The following GLT8D2 variants were observed in gnomAD, a reference collection of about 807,000 sequenced individuals.
The protein encoded by GLT8D2 is glycosyltransferase 8 domain containing 2, also known as glycosyltransferase 8 domain-containing protein 2.
GLT8D2 carries 45 observed loss-of-function variants against 44.5 expected under a neutral mutation model. The observed-to-expected ratio is 1.01, with a 90% CI of 0.80 to 1.30. The LOEUF is 1.30. Among genes scored for constraint, GLT8D2 ranks in the 50% most tolerant of loss-of-function variants. The pLI is 0.00. For missense variants in GLT8D2, 400 were observed against 430.4 expected (o/e 0.93, Z 0.62); for synonymous variants, 156 against 157.2 (o/e 0.99, Z 0.06).
chr12:104,047,861 G>C (rs1330326171), intron 1 of GLT8D2, among the ~76,000 whole-genome samples: 1 of 152,242 alleles, frequency 6.6e-6, no homozygotes, highest in Admixed American at 6.5e-5. Context: ...AAAGCCTTTA[G>C]AGTAGGGGTC....
At chr12:104,046,955 G>T (rs1881216342) in intron 1 of GLT8D2, among the ~76,000 whole-genome samples, 1 of 151,872 alleles carries the variant, frequency 6.6e-6, no homozygotes, top group Non-Finnish European at 1.5e-5. Context: ...CTCCCAAATA[G>T]CTGGGACAAT....
At chr12:104,064,435 C>A, upstream of GLT8D2, 1 of 1,005,550 alleles carries the variant, frequency 9.9e-7, no homozygotes, top group Non-Finnish European at 1.3e-6. The surrounding 1 kb of genome is among the most constrained non-coding windows in gnomAD (Gnocchi z 7.3). Context: ...GGGCCTCCAG[C>A]CTGGCCGCCG....
chr12:104,024,931 G>A (rs924006708), intron 1 of GLT8D2, among the ~76,000 whole-genome samples: 3 of 151,800 alleles, frequency 2.0e-5, no homozygotes, highest in Non-Finnish European at 2.9e-5. Flanking sequence ...TTAACCAGGC[G>A]TGGTGGTGCA....
intron 3 of GLT8D2, among the ~76,000 whole-genome samples, chr12:104,016,774 A>AGAAAGAAGGAAGAAAG (rs1566199645): frequency 1.7e-5 from 1 of 58,342 alleles, no homozygotes; most frequent in African/African-American, 8.1e-5. Flanking sequence ...AAAGAAAGAA[A>AGAAAGAAGGAAGAAAG]GAAGGAAGGA....
chr12:104,023,091 G>A (rs1421714979), intron 1 of GLT8D2, among the ~76,000 whole-genome samples: 1 of 152,138 alleles, frequency 6.6e-6, no homozygotes, highest in African/African-American at 2.4e-5. Flanking sequence ...GGATTTACAC[G>A]TATTTCCTAC....
In GLT8D2 at chr12:103,992,473, TTCTCTC is replaced by T. The variant is rs748084033; in HGVS notation, c.880+913_880+918del. On this transcript the variant is annotated intron_variant, in intron 10 of 10. Transcript: ENST00000360814. Reference sequence around the variant, plus strand: ...GGTTTTGAAGTTTTGACAGTGAAAGTTCTCTCTCTCTCTCTCTCTTTTTTTTTTTTT... The same window carrying T: ...GGTTTTGAAGTTTTGACAGTGAAAGTTCTCTCTCTCTCTTTTTTTTTTTTT... 4.7e-5 allele frequency among the ~76,000 whole-genome samples: 7 copies of T among 150,340 alleles called. No individual in the cohort carries two copies. The East Asian group carries it at 5.8e-4, about 13-fold the overall frequency.
chr12:104,045,937 AAAAG>A (rs1282993419), intron 1 of GLT8D2, among the ~76,000 whole-genome samples: 3 of 113,566 alleles, frequency 2.6e-5, no homozygotes, highest in African/African-American at 7.2e-5. Context: ...GAAAGAAAGA[AAAAG>A]AAAGAAAGAA....
At chr12:104,053,106 A>T (rs549372124), upstream of GLT8D2, among the ~76,000 whole-genome samples, 6 of 152,322 alleles carry the variant, frequency 3.9e-5, no homozygotes, top group East Asian at 1.2e-3. Flanking sequence ...GTTAACTTGC[A>T]GCAGGCTAGT....
chr12:103,999,226 T>C, intron 6 of GLT8D2, 171 bp downstream of exon 6: 1 of 575,984 alleles, frequency 1.7e-6, no homozygotes. Context: ...CCATCTTAAA[T>C]CCTTTCTGTA....
chr12:104,056,645 T>G (rs950927881), intron 1 of GLT8D2, among the ~76,000 whole-genome samples: 4 of 152,262 alleles, frequency 2.6e-5, no homozygotes, highest in Non-Finnish European at 5.9e-5. Flanking sequence ...TAGCACCGTT[T>G]AGTTATATAA....
At chr12:104,060,300 C>T (rs1882531082) in intron 1 of GLT8D2, among the ~76,000 whole-genome samples, 2 of 152,196 alleles carry the variant, frequency 1.3e-5, no homozygotes, top group African/African-American at 4.8e-5. Flanking sequence ...CATCCCTCTT[C>T]TCCAAACTCT....
At chr12:104,025,067 CAAA>C (rs34885430) in intron 1 of GLT8D2, among the ~76,000 whole-genome samples, 16,448 of 66,294 alleles carry the variant, frequency 0.25, 672 homozygotes, top group Middle Eastern at 0.38. Context: ...GAGACTTTGT[CAAA>C]AAAAAAAAAA....
chr12:104,031,047 G>C, intron 1 of GLT8D2: 1 of 1,017,780 alleles, frequency 9.8e-7, no homozygotes, highest in Non-Finnish European at 1.4e-6. Flanking sequence ...CTCAATGAGC[G>C]GCACTATGGG....
At chr12:104,033,609 T>C (rs541370609) in intron 1 of GLT8D2, among the ~76,000 whole-genome samples, 3 of 152,118 alleles carry the variant, frequency 2.0e-5, no homozygotes, top group Non-Finnish European at 4.4e-5. Context: ...TAATAATGTA[T>C]TGTATACTTG....
chr12:104,014,185 A>C (rs2136339117), intron 4 of GLT8D2: 1 of 647,562 alleles, frequency 1.5e-6, no homozygotes, highest in South Asian at 1.7e-5. Flanking sequence ...GCAGCATGGC[A>C]AAACCCATTT....
intron 1 of GLT8D2, among the ~76,000 whole-genome samples, chr12:104,055,969 G>A (rs546411501): frequency 6.6e-6 from 1 of 152,312 alleles, no homozygotes; most frequent in East Asian, 1.9e-4. Flanking sequence ...CTGTTGCCCT[G>A]AGCTTCGGTG....
At chr12:103,989,715 G>C (rs999169889) in intron 10 of GLT8D2, 138 bp from the exon 11 acceptor site, 4 of 696,440 alleles carry the variant, frequency 5.7e-6, no homozygotes, top group Non-Finnish European at 9.3e-6. Flanking sequence ...CCCACCCCAG[G>C]TCTCCAAATC....
upstream of GLT8D2, chr12:104,064,408 G>C (rs973570768): frequency 1.5e-6 from 1 of 650,556 alleles, no homozygotes. This position sits in a 1 kb window ranked among gnomAD's most constrained non-coding sequence, Gnocchi z 7.3. Flanking sequence ...CTTCCCCAGC[G>C]TCTCTCCACT....
intron 1 of GLT8D2, among the ~76,000 whole-genome samples, chr12:104,023,323 T>C (rs79404634): frequency 0.045 from 6,794 of 152,286 alleles, 536 homozygotes; most frequent in African/African-American, 0.16. Flanking sequence ...TTGCTATGCA[T>C]ACTATTTCTT....
Sources: gnomAD v4.1 joint callset for allele counts (sites outside exome capture counted in the v4.1 genomes callset) on GRCh38, gnomAD v4.1.1 for gene constraint, Gnocchi (gnomAD v3.1) non-coding constraint, MANE v1.5 for transcripts, NCBI Gene and HGNC (gene_info 2026-07-23, HGNC 2026-07-21) for gene names.